The following MIGA2 variants were observed in gnomAD, a reference collection of about 807,000 sequenced individuals.
MIGA2 encodes family with sequence similarity 73, member B.
A neutral mutation model predicts 69.9 loss-of-function variants in MIGA2; 36 were observed. That is an observed-to-expected ratio of 0.52 (90% CI 0.39 to 0.68). The LOEUF (loss-of-function observed/expected upper bound fraction) is 0.68, where lower values mean the gene tolerates loss of function less well. Ranked by LOEUF, MIGA2 falls within the 30% of genes least tolerant of loss-of-function variation. The probability of loss-of-function intolerance (pLI) is 0.00; values close to 1 mark genes in which losing one functional copy is unlikely to be tolerated. For missense variants in MIGA2, 660 were observed against 787.7 expected (o/e 0.84, Z 1.94); for synonymous variants, 333 against 349.2 (o/e 0.95, Z 0.52).
At chr9:129,049,217 C>T (rs1845390928) in intron 4 of MIGA2, among the ~76,000 whole-genome samples, 164 bp from the exon 5 acceptor site, 1 of 152,174 alleles carries the variant, frequency 6.6e-6, no homozygotes, top group Admixed American at 6.5e-5. Context: ...TTTGTGGGTC[C>T]AGGCCATTCT....
In MIGA2 at chr9:129,059,406, C is replaced by T. The variant is rs1050588509; in HGVS notation, c.793+135C>T. ...GAATCCCCAGGGCTCTCCGACCTCG[C>T]GTGATCCAGCACCTTATGGCACAGA... is the stretch of plus-strand genomic sequence containing the variant. On this transcript the variant is annotated intron_variant, in intron 7 of 15. Coordinates refer to ENST00000684074, the MANE Select transcript of MIGA2 (RefSeq NM_001329990.2). The surrounding 1 kb of genome is among the most constrained non-coding windows in gnomAD (Gnocchi z 5.6). The T allele has an allele frequency of 2.4e-5, 16 of 662,782 alleles. No homozygotes were observed. The highest frequency in any genetic ancestry group is 4.9e-5 in the Admixed American group (2 of 40,620). 41.1% of individuals were successfully genotyped at this position (662,782 alleles called of 1,614,324 possible).
rs141562583 is a variant in MIGA2, at chr9:129,070,387, G to A, written c.1716G>A (p.Ala572=). 9.7e-5 allele frequency: 156 copies of A among 1,612,050 alleles called. No individual in the cohort carries two copies. The African/African-American group carries it at 1.0e-3, about 11-fold the overall frequency. Residue 572 remains alanine (A), a synonymous_variant, in exon 16 of 16, where the codon GCG becomes GCA. Coordinates refer to ENST00000684074, the MANE Select transcript of MIGA2 (RefSeq NM_001329990.2). ...EILLGYLGVP[A]ASSAGVNGAL... is the part of the protein sequence containing the mutation. ...TGCTGGGGTACCTGGGGGTGCCCGC[G>A]GCCAGCAGCGCAGGCGTGAATGGGG...
intron 11 of MIGA2, among the ~76,000 whole-genome samples, chr9:129,065,031 C>T (rs1284603973): frequency 6.6e-6 from 1 of 152,106 alleles, no homozygotes; most frequent in East Asian, 1.9e-4. Context: ...GATCCGCCCT[C>T]CTTGGCCTCC....
chr9:129,039,158 G>A (rs1004649422), intron 1 of MIGA2, among the ~76,000 whole-genome samples: 7 of 150,400 alleles, frequency 4.7e-5, no homozygotes, highest in Non-Finnish European at 8.9e-5. Flanking sequence ...AATACGTAGC[G>A]TGGAGTAGCT....
intron 11 of MIGA2, among the ~76,000 whole-genome samples, chr9:129,064,506 CTTTT>C (rs71383628): frequency 0.054 from 7,594 of 140,726 alleles, 247 homozygotes; most frequent in Middle Eastern, 0.2. Flanking sequence ...CGTGCCTGGC[CTTTT>C]TTTTTTTTTT....
intron 9 of MIGA2, chr9:129,063,023 C>T (rs539192031): frequency 6.8e-6 from 4 of 591,628 alleles, no homozygotes; most frequent in Middle Eastern, 4.5e-4. Context: ...GCCTGAGAGG[C>T]TGACACGTCC....
chr9:129,065,645 C>T (rs1008378951), intron 11 of MIGA2, among the ~76,000 whole-genome samples: 3 of 151,936 alleles, frequency 2.0e-5, no homozygotes, highest in Non-Finnish European at 4.4e-5. Context: ...CCACCACGCC[C>T]GGCCTATGTA....
At chr9:129,056,776 C>G (rs571837655) in intron 6 of MIGA2, among the ~76,000 whole-genome samples, 3 of 152,096 alleles carry the variant, frequency 2.0e-5, no homozygotes, top group Non-Finnish European at 2.9e-5. Flanking sequence ...GCCTCGCCCC[C>G]CAAAGTGCTG....
At position 129,061,281 on chromosome 9, in the gene MIGA2, C is replaced by T. The variant is rs201910125; in HGVS notation, c.945C>T (p.Pro315=). 243 of 1,612,894 alleles carry T rather than the reference C, an allele frequency of 1.5e-4. No individual in the cohort carries two copies. The highest frequency in any genetic ancestry group is 3.3e-5 in the Admixed American group (2 of 59,954). The stretch of plus-strand genomic sequence containing the variant: ...ATTACCCGATCCCACTCTCCAGACC[C>T]GCCGCTGCCTATGAGGAGGCCCTGC... The part of the protein sequence containing the change: ...TGDYPIPLSR[P]AAAYEEALQL... The change falls in exon 9 of 16, where the codon CCC becomes CCT. Residue 315 remains proline (P), a synonymous_variant. Transcript: ENST00000684074. The surrounding 1 kb of genome is among the most constrained non-coding windows in gnomAD (Gnocchi z 5.0).
At position 129,068,110 on chromosome 9, in the gene MIGA2, C is replaced by T. The variant is rs1215429970; in HGVS notation, c.1270-88C>T. 6.3e-7 allele frequency: 1 copy of T among 1,582,662 alleles called. No homozygotes were observed. The highest frequency in any genetic ancestry group is 1.1e-5 in the South Asian group (1 of 90,114). Reference sequence around the variant, plus strand: ...CCCCCACGTGTGCTCATGCCCTGGACCCCAGCTTCAGTCTCCCCATCTGGA... The same window carrying T: ...CCCCCACGTGTGCTCATGCCCTGGATCCCAGCTTCAGTCTCCCCATCTGGA... On this transcript the variant is annotated intron_variant, in intron 12 of 15. Coordinates refer to ENST00000684074, the MANE Select transcript of MIGA2 (RefSeq NM_001329990.2). This position sits in a 1 kb window ranked among gnomAD's most constrained non-coding sequence, Gnocchi z 4.1.
rs567976543 is a variant in MIGA2 at position 129,049,990 on chromosome 9, G to A, written c.675+27G>A. 33 of 1,594,224 alleles carry A rather than the reference G, an allele frequency of 2.1e-5. No individual in the cohort carries two copies. The African/African-American group carries it at 3.1e-4, about 15-fold the overall frequency. ...TAGGTGGTCTTCTGCATCCCCCTACGCCCATGGGATAAAGTTGGCAGCACA... is the reference window on the plus strand; with the variant it reads ...TAGGTGGTCTTCTGCATCCCCCTACACCCATGGGATAAAGTTGGCAGCACA... On this transcript the variant is annotated intron_variant, in intron 6 of 15. Transcript: ENST00000684074.
intron 2 of MIGA2, among the ~76,000 whole-genome samples, chr9:129,041,506 G>GT: frequency 6.6e-6 from 1 of 152,042 alleles, no homozygotes; most frequent in Middle Eastern, 3.4e-3. Context: ...AAAAAAAAAA[G>GT]TTTTTCGTAA....
rs1470576492 is a variant in MIGA2, at chr9:129,059,582, T to G, written c.793+311T>G. 6.6e-6 allele frequency among the ~76,000 whole-genome samples: 1 copy of G among 152,178 alleles called. No homozygotes were observed. The highest frequency in any genetic ancestry group is 6.5e-5 in the Admixed American group (1 of 15,278). ...ATCTCCCTGATGGCTCTCCCAGGCC[T>G]TCGCTTCGAGTCCTTTCCTGTGGCT... On this transcript the variant is annotated intron_variant, in intron 7 of 15. Transcript: ENST00000684074. The surrounding 1 kb of genome is among the most constrained non-coding windows in gnomAD (Gnocchi z 5.6).
At chr9:129,064,132 C>T (rs775416048) in intron 11 of MIGA2, among the ~76,000 whole-genome samples, 2 of 152,200 alleles carry the variant, frequency 1.3e-5, no homozygotes, top group Non-Finnish European at 2.9e-5. Context: ...CAACTTACAT[C>T]ACTGCCAGCA....
rs1168953957 is a variant in MIGA2, at chr9:129,071,956, T to A, written c.*1503T>A. 2.0e-5 allele frequency: 3 copies of A among 152,724 alleles called. No individual in the cohort carries two copies. The highest frequency in any genetic ancestry group is 4.4e-5 in the Non-Finnish European group (3 of 68,070). The allele number at this position is 152,724 out of a possible 1,614,324, so 9.5% of individuals were successfully genotyped here. A position where few individuals can be genotyped will look rare whatever the true frequency, so the allele number is the denominator to read the frequency against. On this transcript the variant is annotated 3_prime_UTR_variant, in exon 16 of 16. Coordinates refer to ENST00000684074, the MANE Select transcript of MIGA2 (RefSeq NM_001329990.2). ...GCCCCGCCCACTCTGATTTGCATTTTCATTTGTGTTTGTTTACACATCCAT... is the reference window on the plus strand; with the variant it reads ...GCCCCGCCCACTCTGATTTGCATTTACATTTGTGTTTGTTTACACATCCAT...
Position 129,061,517 on chromosome 9 carries a change from C to A in MIGA2, c.1010+171C>A, listed in dbSNP as rs1846069131. ...CAGCTCCTCCCCCAGCTGCAGAGGG[C>A]CTGGATGGACCCATACTGGCAGGTC... On this transcript the variant is annotated intron_variant, in intron 9 of 15. Transcript: ENST00000684074. The surrounding 1 kb of genome is among the most constrained non-coding windows in gnomAD (Gnocchi z 5.0). Among the ~76,000 whole-genome samples the A allele has an allele frequency of 6.6e-6, 1 of 152,084 alleles. No homozygotes were observed. Among genetic ancestry groups the A allele is most frequent in the Non-Finnish European group, 1.5e-5 (1 of 68,020 alleles).
intron 11 of MIGA2, among the ~76,000 whole-genome samples, chr9:129,066,679 G>T (rs182168454): frequency 6.9e-6 from 1 of 145,472 alleles, no homozygotes; most frequent in South Asian, 2.1e-4. Context: ...AAAAAGAAAG[G>T]CTGGGCGTAG....
Position 129,060,463 on chromosome 9 carries a change from G to A in MIGA2, c.794-87G>A. The A allele has an allele frequency of 9.1e-7, 1 of 1,094,372 alleles. No individual in the cohort carries two copies. The highest frequency in any genetic ancestry group is 1.5e-5 in the South Asian group (1 of 66,608). 67.8% of individuals were successfully genotyped at this position (1,094,372 alleles called of 1,614,324 possible). On this transcript the variant is annotated intron_variant, in intron 7 of 15. Transcript: ENST00000684074. The surrounding 1 kb of genome is among the most constrained non-coding windows in gnomAD (Gnocchi z 4.8). ...AGGCTCGGGATGAAGCCTCCCCTGG[G>A]CCTGATGGGGGACTTCGTGTACCGG... is the stretch of plus-strand genomic sequence containing the variant.
At position 129,068,085 on chromosome 9, in the gene MIGA2, C is replaced by G. The variant is rs1846461270; in HGVS notation, c.1270-113C>G. On this transcript the variant is annotated intron_variant, in intron 12 of 15. Transcript: ENST00000684074. This position sits in a 1 kb window ranked among gnomAD's most constrained non-coding sequence, Gnocchi z 4.1. ...ACAGCAGAGCGGGAAAGACGTGTCC[C>G]CCCCACGTGTGCTCATGCCCTGGAC... 6.9e-7 allele frequency: 1 copy of G among 1,453,920 alleles called. No homozygotes were observed. Among genetic ancestry groups the G allele is most frequent in the Non-Finnish European group, 9.6e-7 (1 of 1,037,938 alleles). The allele number at this position is 1,453,920 out of a possible 1,614,324, so 90.1% of individuals were successfully genotyped here.
Sources: allele counts gnomAD v4.1 joint callset (sites outside exome capture counted in the v4.1 genomes callset), GRCh38; gene constraint gnomAD v4.1.1; non-coding constraint Gnocchi (gnomAD v3.1); transcripts MANE v1.5; gene names NCBI Gene and HGNC (gene_info 2026-07-23, HGNC 2026-07-21).